The following SIPA1L1 variants were observed in gnomAD, a reference collection of about 807,000 sequenced individuals.
SIPA1L1 encodes signal-induced proliferation-associated 1-like protein 1.
SIPA1L1 carries 26 observed loss-of-function variants against 162.7 expected under a neutral mutation model. The observed-to-expected ratio is 0.16, with a 90% CI of 0.12 to 0.22. The LOEUF (loss-of-function observed/expected upper bound fraction) is 0.22. SIPA1L1 is among the 10% of genes least tolerant of loss of function. The probability of loss-of-function intolerance (pLI) is 1.00; values close to 1 mark genes in which losing one functional copy is unlikely to be tolerated. For synonymous variants in SIPA1L1, 829 were observed against 837.4 expected (o/e 0.99, Z 0.17); for missense variants, 1,874 against 2,241.0 (o/e 0.84, Z 3.31).
At chr14:71,665,022 A>G (rs1310539145) in intron 10 of SIPA1L1, among the ~76,000 whole-genome samples, 1 of 152,228 alleles carries the variant, frequency 6.6e-6, no homozygotes, top group Non-Finnish European at 1.5e-5. Context: ...TAATGCAGAA[A>G]AGATGACCAG....
At position 71,419,862 on chromosome 14, in the gene SIPA1L1, TA is replaced by T. The variant is rs985162693; in HGVS notation, c.-464-92872del. Among the ~76,000 whole-genome samples the T allele has an allele frequency of 4.4e-4, 67 of 150,698 alleles. No individual in the cohort carries two copies. In the East Asian group the frequency reaches 9.6e-3, roughly 22 times the overall value. On this transcript the variant is annotated intron_variant, in intron 2 of 23. Coordinates refer to ENST00000381232, the MANE Select transcript of SIPA1L1 (RefSeq NM_001386936.1). ...GGCAACATAGTGAGACCCCATCTCT[TA>T]AAAAAAAATTAGCTGGACATGGTGG... is the stretch of plus-strand genomic sequence containing the variant.
intron 2 of SIPA1L1, among the ~76,000 whole-genome samples, chr14:71,362,672 A>G (rs750126974): frequency 6.6e-6 from 1 of 152,176 alleles, no homozygotes; most frequent in African/African-American, 2.4e-5. Flanking sequence ...CTTTGCATGT[A>G]TTTCAGATGA....
At chr14:71,545,142 G>C (rs550173380) in intron 4 of SIPA1L1, among the ~76,000 whole-genome samples, 2 of 152,306 alleles carry the variant, frequency 1.3e-5, no homozygotes, top group African/African-American at 4.8e-5. Context: ...TTATAGGCAT[G>C]AGACACTGCA....
chr14:71,402,994 T>G (rs1447722627), intron 2 of SIPA1L1, among the ~76,000 whole-genome samples: 3 of 152,136 alleles, frequency 2.0e-5, no homozygotes, highest in Non-Finnish European at 4.4e-5. Flanking sequence ...TAAAATAACA[T>G]GTAAAGATGC....
chr14:71,671,430 T>C lies in SIPA1L1; in HGVS notation c.2567T>C (p.Met856Thr), dbSNP rs747134773. ...KPYPGAELSS[M>T]GAIVWAVRAE... ...TATCCAGGAGCCGAGCTCAGCAGCATGGGGGCCATTGTATGGGCAGTCCGG... is the reference window on the plus strand; with the variant it reads ...TATCCAGGAGCCGAGCTCAGCAGCACGGGGGCCATTGTATGGGCAGTCCGG... Residue 856 changes from methionine to threonine, a missense_variant, in exon 11 of 24, where the codon ATG becomes ACG. Transcript: ENST00000381232. The C allele has an allele frequency of 6.2e-7, 1 of 1,614,168 alleles. No homozygotes were observed. Among genetic ancestry groups the C allele is most frequent in the Admixed American group, 1.7e-5 (1 of 60,030 alleles).
At chr14:71,723,518 C>A in intron 17 of SIPA1L1, 129 bp from the exon 18 acceptor site, 4 of 976,224 alleles carry the variant, frequency 4.1e-6, no homozygotes, top group Non-Finnish European at 6.1e-6. Context: ...GCCAGCCAGG[C>A]ATCGCTGTTA....
chr14:71,431,890 C>T (rs2044015874), intron 2 of SIPA1L1, among the ~76,000 whole-genome samples: 1 of 152,022 alleles, frequency 6.6e-6, no homozygotes, highest in African/African-American at 2.4e-5. Context: ...TACACAGAAG[C>T]TTTCAAAATG....
At chr14:71,374,179 A>G (rs1400947065) in intron 2 of SIPA1L1, among the ~76,000 whole-genome samples, 1 of 152,178 alleles carries the variant, frequency 6.6e-6, no homozygotes, top group East Asian at 1.9e-4. Context: ...ATTTTTGACA[A>G]AATTTTTTTA....
At chr14:71,580,281 T>G (rs555443786) in intron 4 of SIPA1L1, among the ~76,000 whole-genome samples, 3 of 152,130 alleles carry the variant, frequency 2.0e-5, no homozygotes, top group African/African-American at 4.8e-5. Flanking sequence ...TTCTTCAGAT[T>G]TAGCCTCAAT....
At chr14:71,520,213 C>T (rs756304875) in intron 3 of SIPA1L1, among the ~76,000 whole-genome samples, 1 of 152,082 alleles carries the variant, frequency 6.6e-6, no homozygotes, top group Non-Finnish European at 1.5e-5. Context: ...GAAATACTTA[C>T]TAATTACAAA....
rs1595544685 is a variant in SIPA1L1, at chr14:71,454,111, C to T, written c.-464-58632C>T. 2.0e-5 allele frequency among the ~76,000 whole-genome samples: 3 copies of T among 151,812 alleles called. No homozygotes were observed. The Middle Eastern group carries it at 0.01, about 516-fold the overall frequency. Reference sequence around the variant, plus strand: ...ATGGAGACTGAACAAACCCTGTGTTCCCAGGTCTGGTGCCAGGCATTGTCA... The same window carrying T: ...ATGGAGACTGAACAAACCCTGTGTTTCCAGGTCTGGTGCCAGGCATTGTCA... On this transcript the variant is annotated intron_variant, in intron 2 of 23. Transcript: ENST00000381232.
chr14:71,702,306 A>T (rs1429578107), intron 14 of SIPA1L1, 75 bp from the exon 15 acceptor site: 4 of 1,542,458 alleles, frequency 2.6e-6, no homozygotes, highest in Admixed American at 3.6e-5. Flanking sequence ...AATTTAGTTC[A>T]TTACACCCAG....
At chr14:71,393,973 A>C (rs935595450) in intron 2 of SIPA1L1, among the ~76,000 whole-genome samples, 6 of 152,262 alleles carry the variant, frequency 3.9e-5, no homozygotes, top group Non-Finnish European at 8.8e-5. Flanking sequence ...AAGCAATGAG[A>C]GGTAAATTTT....
chr14:71,724,604 G>A (rs1597237859), intron 18 of SIPA1L1, 66 bp from the exon 19 acceptor site: 1 of 1,294,252 alleles, frequency 7.7e-7, no homozygotes, highest in Non-Finnish European at 1.1e-6. Context: ...ATCCTTTAGA[G>A]CCCATCATGC....
At chr14:71,574,960 TGTG>T (rs1409035440) in intron 4 of SIPA1L1, 2 of 152,202 alleles carry the variant, frequency 1.3e-5, no homozygotes, top group Non-Finnish European at 2.9e-5. Context: ...ACTGGAAGGA[TGTG>T]GTATGCATTA....
chr14:71,484,689 A>G (rs1398347709), intron 2 of SIPA1L1, among the ~76,000 whole-genome samples: 1 of 152,220 alleles, frequency 6.6e-6, no homozygotes, highest in Non-Finnish European at 1.5e-5. Context: ...ACTGATGTTT[A>G]TGTAACAACT....
chr14:71,555,475 T>G (rs1188305252), intron 4 of SIPA1L1, among the ~76,000 whole-genome samples: 2 of 152,204 alleles, frequency 1.3e-5, no homozygotes, highest in Non-Finnish European at 2.9e-5. Context: ...TGATTTGATC[T>G]TCTTTCTCTC....
intron 2 of SIPA1L1, among the ~76,000 whole-genome samples, chr14:71,323,498 A>T (rs1398984386): frequency 6.6e-6 from 1 of 152,140 alleles, no homozygotes; most frequent in East Asian, 1.9e-4. Flanking sequence ...CAAATGAAGT[A>T]TGAATATCCT....
chr14:71,365,531 A>G (rs2038203661), intron 2 of SIPA1L1, among the ~76,000 whole-genome samples: 2 of 152,074 alleles, frequency 1.3e-5, no homozygotes, highest in South Asian at 2.1e-4. Flanking sequence ...GTTTGATGAC[A>G]TGGTAGTTTC....
Sources: allele counts gnomAD v4.1 joint callset (sites outside exome capture counted in the v4.1 genomes callset), GRCh38; gene constraint gnomAD v4.1.1; transcripts MANE v1.5; gene names NCBI Gene and HGNC (gene_info 2026-07-23, HGNC 2026-07-21).